The following ARL15 variants were observed in gnomAD, a reference collection of about 807,000 sequenced individuals.
ARL15 encodes ADP-ribosylation factor-like protein 15.
In ARL15, 19 loss-of-function variants were observed where a neutral mutation model predicts 25.2. That is an observed-to-expected ratio of 0.75 (90% CI 0.53 to 1.10). The LOEUF (loss-of-function observed/expected upper bound fraction) is 1.10. ARL15 is among the 50% of genes least tolerant of loss of function. ARL15 has a pLI of 0.00. For missense variants in ARL15, 220 were observed against 246.0 expected, an observed-to-expected ratio of 0.89 and a Z score of 0.71; for synonymous variants, 94 against 86.8, an observed-to-expected ratio of 1.08 and a Z score of -0.46.
At chr5:54,205,696 C>T (rs1755848528) in intron 1 of ARL15, among the ~76,000 whole-genome samples, 1 of 152,162 alleles carries the variant, frequency 6.6e-6, no homozygotes, top group South Asian at 2.1e-4. Flanking sequence ...CCATAATTAA[C>T]TGTTAAGTAA....
chr5:54,071,863 C>T (rs1208220290), intron 4 of ARL15, among the ~76,000 whole-genome samples: 1 of 151,610 alleles, frequency 6.6e-6, no homozygotes, highest in East Asian at 2.0e-4. Context: ...GTCCCAGCTA[C>T]TCGGAAGGCT....
At chr5:53,959,766 T>C (rs1159668130) in intron 4 of ARL15, among the ~76,000 whole-genome samples, 3 of 152,122 alleles carry the variant, frequency 2.0e-5, no homozygotes, top group African/African-American at 7.2e-5. Flanking sequence ...CAACGTTGCA[T>C]TCCTCCTCCC....
chr5:54,043,694 A>G (rs940030351), intron 4 of ARL15, among the ~76,000 whole-genome samples: 52 of 152,166 alleles, frequency 3.4e-4, no homozygotes, highest in Admixed American at 1.2e-3. Flanking sequence ...CATATTGCAT[A>G]TATCATTTCA....
intron 4 of ARL15, among the ~76,000 whole-genome samples, chr5:53,997,040 A>T (rs548600213): frequency 1.3e-5 from 2 of 152,330 alleles, no homozygotes; most frequent in Non-Finnish European, 2.9e-5. Flanking sequence ...TCTTTCCAAC[A>T]TTACTACCTC....
At chr5:54,197,423 G>A (rs1246644750) in intron 1 of ARL15, among the ~76,000 whole-genome samples, 3 of 152,100 alleles carry the variant, frequency 2.0e-5, no homozygotes, top group Non-Finnish European at 4.4e-5. Flanking sequence ...CACTAGCTTG[G>A]AAGATAATTA....
intron 3 of ARL15, among the ~76,000 whole-genome samples, chr5:54,132,808 G>C (rs942182867): frequency 6.6e-6 from 1 of 152,160 alleles, no homozygotes; most frequent in African/African-American, 2.4e-5. Context: ...AGAACGACCA[G>C]AGGTCACTCT....
At position 53,969,194 on chromosome 5, in the gene ARL15, C is replaced by T. The variant is rs188689243; in HGVS notation, c.463-82481G>A. On this transcript the variant is annotated intron_variant, in intron 4 of 4. Transcript: ENST00000504924. ...CAACAACAAGAAGAAAAGGCACATA[C>T]ATGCTAGTGTCTTTAGTAACTATAT... 3.3e-4 allele frequency among the ~76,000 whole-genome samples: 50 copies of T among 152,226 alleles called. 1 individual carries two copies. Among genetic ancestry groups the T allele is most frequent in the African/African-American group, 1.2e-3 (50 of 41,532 alleles).
chr5:54,056,272 C>T (rs549990026), intron 4 of ARL15, among the ~76,000 whole-genome samples: 11 of 151,894 alleles, frequency 7.2e-5, no homozygotes, highest in Non-Finnish European at 1.3e-4. Context: ...ATAGTGGTAG[C>T]CATTATTATG....
At chr5:53,965,244 T>C (rs1434609083) in intron 4 of ARL15, among the ~76,000 whole-genome samples, 1 of 152,192 alleles carries the variant, frequency 6.6e-6, no homozygotes, top group African/African-American at 2.4e-5. Flanking sequence ...AATATCTCCT[T>C]TAGTGTTTAA....
chr5:54,076,894 A>G (rs1462750474), intron 4 of ARL15, among the ~76,000 whole-genome samples: 1 of 152,104 alleles, frequency 6.6e-6, no homozygotes, highest in Non-Finnish European at 1.5e-5. Context: ...GCCTCCAACC[A>G]CTGGACCACT....
At chr5:54,090,578 C>A (rs1345463683) in intron 4 of ARL15, among the ~76,000 whole-genome samples, 1 of 151,854 alleles carries the variant, frequency 6.6e-6, no homozygotes, top group African/African-American at 2.4e-5. Context: ...GAGACATTGC[C>A]ATTTGCTCTA....
At chr5:54,044,023 A>G (rs1227476908) in intron 4 of ARL15, among the ~76,000 whole-genome samples, 1 of 151,984 alleles carries the variant, frequency 6.6e-6, no homozygotes, top group Non-Finnish European at 1.5e-5. Flanking sequence ...AAAAACTCAG[A>G]AAATTCTATC....
At chr5:53,982,688 T>C (rs1374879957) in intron 4 of ARL15, among the ~76,000 whole-genome samples, 3 of 152,190 alleles carry the variant, frequency 2.0e-5, no homozygotes, top group Admixed American at 2.0e-4. Context: ...TATAATCCTT[T>C]GGGTATATAT....
chr5:53,991,563 G>GAAAAAAAAAAAA (rs771075344), intron 4 of ARL15, among the ~76,000 whole-genome samples: 2 of 127,924 alleles, frequency 1.6e-5, no homozygotes, highest in African/African-American at 2.9e-5. Context: ...AAAAAAAAAG[G>GAAAAAAAAAAAA]GGGGGCGGGG....
intron 4 of ARL15, among the ~76,000 whole-genome samples, chr5:54,108,218 A>G (rs1752644307): frequency 6.6e-6 from 1 of 152,124 alleles, no homozygotes; most frequent in Non-Finnish European, 1.5e-5. Flanking sequence ...TTCAGTGGAA[A>G]ATTGACTTCC....
Position 54,120,517 on chromosome 5 carries a change from G to C in ARL15, c.254-7107C>G, listed in dbSNP as rs142784763. On this transcript the variant is annotated intron_variant, in intron 3 of 4. Coordinates refer to ENST00000504924, the MANE Select transcript of ARL15 (RefSeq NM_019087.3). Reference sequence around the variant, plus strand: ...TGTCCAACAGAATCAGTACCCAAGAGAAACTGAAAGCATAGAAAGAAAAAG... The same window carrying C: ...TGTCCAACAGAATCAGTACCCAAGACAAACTGAAAGCATAGAAAGAAAAAG... 4.1e-3 allele frequency among the ~76,000 whole-genome samples: 619 copies of C among 152,266 alleles called. 12 individuals are homozygous for C. Among genetic ancestry groups the C allele is most frequent in the Admixed American group, 0.035 (539 of 15,286 alleles).
At chr5:54,004,212 C>A (rs1031046410) in intron 4 of ARL15, among the ~76,000 whole-genome samples, 2 of 152,076 alleles carry the variant, frequency 1.3e-5, no homozygotes, top group Non-Finnish European at 2.9e-5. Flanking sequence ...TAAATATTCT[C>A]GGCCGGGTGT....
At chr5:53,934,392 T>C (rs1461261317) in intron 4 of ARL15, among the ~76,000 whole-genome samples, 3 of 151,360 alleles carry the variant, frequency 2.0e-5, no homozygotes, top group Non-Finnish European at 2.9e-5. Context: ...ATGATTTTTA[T>C]TGTTTAACTG....
At chr5:54,212,091 T>C (rs1348275094) in intron 1 of ARL15, among the ~76,000 whole-genome samples, 2 of 152,144 alleles carry the variant, frequency 1.3e-5, no homozygotes, top group African/African-American at 4.8e-5. Context: ...GCAGGCCATA[T>C]AGTCTCCGTC....
Sources: gnomAD v4.1 joint callset for allele counts (sites outside exome capture counted in the v4.1 genomes callset) on GRCh38, gnomAD v4.1.1 for gene constraint, MANE v1.5 for transcripts, NCBI Gene and HGNC (gene_info 2026-07-23, HGNC 2026-07-21) for gene names.